Variants in CPA6 observed in about 807,000 individuals in gnomAD.
The protein encoded by CPA6 is carboxypeptidase B.
Under a neutral mutation model 63.3 loss-of-function variants are expected in CPA6, and 58 were observed. The ratio of observed to expected loss-of-function variants is 0.92; its 90% confidence interval spans 0.74 to 1.14. The LOEUF is 1.14. Ranked by LOEUF, CPA6 falls within the 50% of genes most tolerant of loss-of-function variation. CPA6 has a pLI of 0.00. For missense variants in CPA6, 565 were observed against 526.6 expected (o/e 1.07, Z -0.71); for synonymous variants, 185 against 179.0 (o/e 1.03, Z -0.27).
chr8:67,599,501 A>G (rs916369420), intron 2 of CPA6, among the ~76,000 whole-genome samples: 1 of 152,082 alleles, frequency 6.6e-6, no homozygotes, highest in African/African-American at 2.4e-5. Context: ...GCTTCCCCTT[A>G]TGGCCTAATA....
At chr8:67,630,246 C>A (rs1441098305) in intron 1 of CPA6, among the ~76,000 whole-genome samples, 1 of 151,992 alleles carries the variant, frequency 6.6e-6, no homozygotes, top group Non-Finnish European at 1.5e-5. Context: ...GAAACTGACT[C>A]TGGATAGGAC....
chr8:67,441,198 T>C (rs1163634359), intron 8 of CPA6, among the ~76,000 whole-genome samples: 2 of 152,216 alleles, frequency 1.3e-5, no homozygotes, highest in Non-Finnish European at 2.9e-5. Flanking sequence ...TTCAATAGTG[T>C]AATTCTACTC....
At chr8:67,432,753 T>C (rs998738556) in intron 9 of CPA6, among the ~76,000 whole-genome samples, 5 of 152,214 alleles carry the variant, frequency 3.3e-5, no homozygotes, top group African/African-American at 1.2e-4. Context: ...AGCGAGCCAC[T>C]GTATCCAGCC....
chr8:67,709,194 G>A (rs536414969), intron 1 of CPA6, among the ~76,000 whole-genome samples: 3 of 152,290 alleles, frequency 2.0e-5, no homozygotes, highest in African/African-American at 7.2e-5. Flanking sequence ...ATGCTAGCAG[G>A]CCACTGTGCA....
At chr8:67,427,567 T>TA (rs941308948) in intron 10 of CPA6, among the ~76,000 whole-genome samples, 1 of 151,980 alleles carries the variant, frequency 6.6e-6, no homozygotes. Flanking sequence ...TTTCTCCATG[T>TA]AAAAAAAAGA....
intron 2 of CPA6, among the ~76,000 whole-genome samples, chr8:67,587,619 G>T (rs1813980724): frequency 6.6e-6 from 1 of 152,116 alleles, no homozygotes; most frequent in East Asian, 1.9e-4. Flanking sequence ...GGTTAAGAGG[G>T]TAATAAAGTG....
intron 2 of CPA6, among the ~76,000 whole-genome samples, chr8:67,595,168 A>G (rs138128394): frequency 0.023 from 3,452 of 152,276 alleles, 68 homozygotes; most frequent in African/African-American, 0.052. Flanking sequence ...TTGCCTGGGT[A>G]TCAGCAGTGG....
intron 1 of CPA6, among the ~76,000 whole-genome samples, chr8:67,641,037 T>A (rs1815581103): frequency 6.6e-6 from 1 of 151,546 alleles, no homozygotes; most frequent in Non-Finnish European, 1.5e-5. Context: ...GGACATGGGG[T>A]ACAGGGGACC....
At chr8:67,496,266 T>C (rs1811707855) in intron 6 of CPA6, among the ~76,000 whole-genome samples, 1 of 152,052 alleles carries the variant, frequency 6.6e-6, no homozygotes. Flanking sequence ...GACCCCTTAG[T>C]GCAGTTACCA....
rs541089166 is a variant in CPA6, at chr8:67,564,679, G to C, written c.193-46632C>G. 3.3e-5 allele frequency among the ~76,000 whole-genome samples: 5 copies of C among 152,188 alleles called. No homozygotes were observed. The East Asian group carries it at 9.6e-4, about 29-fold the overall frequency. On this transcript the variant is annotated intron_variant, in intron 2 of 10. Transcript: ENST00000297770. The stretch of plus-strand genomic sequence containing the variant: ...GTCTATGTTTCCAGCCACTATTTCT[G>C]CCTAAAGTGAATTTTCTAATTTAAA...
rs190510743 is a variant in CPA6, at chr8:67,551,504, G to C, written c.193-33457C>G. On this transcript the variant is annotated intron_variant, in intron 2 of 10. Coordinates refer to ENST00000297770, the MANE Select transcript of CPA6 (RefSeq NM_020361.5). ...GCTTCAGATTGCTTAGGTTATTCAG[G>C]CTCTTTTATGGTTCTATATAAATTT... Among the ~76,000 whole-genome samples, 962 of 152,194 alleles carry C rather than the reference G, an allele frequency of 6.3e-3. 7 individuals are homozygous for C. Among genetic ancestry groups the C allele is most frequent in the South Asian group, 0.012 (60 of 4,822 alleles).
chr8:67,447,087 T>TAC (rs571444184), intron 8 of CPA6, among the ~76,000 whole-genome samples: 2 of 147,726 alleles, frequency 1.4e-5, no homozygotes, highest in African/African-American at 5.0e-5. Flanking sequence ...CACATATATA[T>TAC]ACACACATAT....
chr8:67,616,688 T>C (rs1814961730), intron 2 of CPA6, among the ~76,000 whole-genome samples: 1 of 152,126 alleles, frequency 6.6e-6, no homozygotes, highest in Non-Finnish European at 1.5e-5. Flanking sequence ...GTGACTTTCT[T>C]TGGCTAGGAT....
intron 2 of CPA6, among the ~76,000 whole-genome samples, chr8:67,526,177 T>C (rs1480911060): frequency 1.3e-5 from 2 of 152,190 alleles, no homozygotes; most frequent in African/African-American, 2.4e-5. Flanking sequence ...TTTAAGGAAC[T>C]GAGGTTTTTC....
intron 1 of CPA6, among the ~76,000 whole-genome samples, chr8:67,741,231 T>C (rs992783558): frequency 2.6e-5 from 4 of 152,146 alleles, no homozygotes; most frequent in African/African-American, 9.7e-5. Flanking sequence ...ACAAGTAGAT[T>C]AATACGAGCA....
chr8:67,595,535 C>G (rs1486215292), intron 2 of CPA6, among the ~76,000 whole-genome samples: 2 of 152,232 alleles, frequency 1.3e-5, no homozygotes. Context: ...GTGGGCTCCA[C>G]CCAGTTCGAG....
chr8:67,678,022 G>T (rs1816514299), intron 1 of CPA6, among the ~76,000 whole-genome samples: 2 of 152,106 alleles, frequency 1.3e-5, no homozygotes, highest in South Asian at 4.1e-4. Context: ...GATCACCTGA[G>T]GTTAGGGGTT....
At chr8:67,544,358 T>A (rs1563993615) in intron 2 of CPA6, among the ~76,000 whole-genome samples, 1 of 152,332 alleles carries the variant, frequency 6.6e-6, no homozygotes. Flanking sequence ...TAAGCTGACC[T>A]GATGACTTTC....
intron 2 of CPA6, among the ~76,000 whole-genome samples, chr8:67,581,034 G>C (rs1329669921): frequency 6.6e-6 from 1 of 152,154 alleles, no homozygotes; most frequent in Non-Finnish European, 1.5e-5. Flanking sequence ...GAGGTTGGTA[G>C]ATTAAGAGAC....
Sources: allele counts gnomAD v4.1 joint callset (sites outside exome capture counted in the v4.1 genomes callset), GRCh38; gene constraint gnomAD v4.1.1; transcripts MANE v1.5; gene names NCBI Gene and HGNC (gene_info 2026-07-23, HGNC 2026-07-21).